HACD1: variants seen among roughly 807,000 people sequenced by gnomAD.
HACD1 encodes 3-hydroxyacyl-CoA dehydratase 1, also known as very-long-chain (3R)-3-hydroxyacyl-CoA dehydratase 1.
A neutral mutation model predicts 32.0 loss-of-function variants in HACD1; 41 were observed. The observed-to-expected ratio is 1.28, with a 90% CI of 1.00 to 1.66. The LOEUF (loss-of-function observed/expected upper bound fraction) is 1.66, where lower values mean the gene tolerates loss of function less well. HACD1 is among the 40% of genes most tolerant of loss of function. The pLI is 0.00. For synonymous variants in HACD1, 142 were observed against 139.0 expected (o/e 1.02, Z -0.15); for missense variants, 396 against 380.1 (o/e 1.04, Z -0.35).
In HACD1 at chr10:17,603,544, T is replaced by A; in HGVS notation, c.483+16A>T. On this transcript the variant is annotated intron_variant, in intron 4 of 6. Transcript: ENST00000361271. The stretch of plus-strand genomic sequence containing the variant: ...TTCCTGCAGGCTCAAGTAGACAACA[T>A]GTTTGTGTCACTTACTGGTTTTATA... 6.3e-7 allele frequency: 1 copy of A among 1,579,770 alleles called. No individual in the cohort carries two copies. The highest frequency in any genetic ancestry group is 8.7e-7 in the Non-Finnish European group (1 of 1,150,350).
Position 17,590,163 on chromosome 10 carries a change from C to T in HACD1, c.*201G>A. The T allele has an allele frequency of 2.9e-6, 1 of 345,952 alleles. No homozygotes were observed. Among genetic ancestry groups the T allele is most frequent in the Non-Finnish European group, 5.2e-6 (1 of 191,566 alleles). The allele number at this position is 345,952 out of a possible 1,614,324, so 21.4% of individuals were successfully genotyped here. ...ATAATCAATACCTACCCAAAAGTTA[C>T]TGATATTTGCACAGTTCTTGTAAAA... On this transcript the variant is annotated 3_prime_UTR_variant, in exon 7 of 7. Transcript: ENST00000361271.
intron 5 of HACD1, among the ~76,000 whole-genome samples, chr10:17,596,943 A>G (rs1000737602): frequency 2.0e-5 from 3 of 152,220 alleles, no homozygotes; most frequent in Non-Finnish European, 4.4e-5. Context: ...TTCGAGAATG[A>G]CAGCTTCAAC....
intron 1 of HACD1, among the ~76,000 whole-genome samples, chr10:17,607,766 G>C (rs782732917): frequency 6.6e-6 from 1 of 152,138 alleles, no homozygotes; most frequent in Non-Finnish European, 1.5e-5. Flanking sequence ...AAATTGACAG[G>C]CTCAGGGATT....
Position 17,617,272 on chromosome 10 carries a change from G to C in HACD1, c.68C>G (p.Pro23Arg), listed in dbSNP as rs781890481. 1 of 1,471,686 alleles carries C rather than the reference G, an allele frequency of 6.8e-7. No homozygotes were observed. 91.2% of individuals were successfully genotyped at this position (1,471,686 alleles called of 1,614,324 possible). ...GGGAGACAGCGGCAGGAGCGTGGGA[G>C]GGGACCCTGCCCAGCCTGCAGCCCG... is the stretch of plus-strand genomic sequence containing the variant. Reference protein sequence around the residue: ...GSRAAGWAGSPPTLLPLSPTS... With the variant: ...GSRAAGWAGSRPTLLPLSPTS... The change falls in exon 1 of 7, where the codon CCT becomes CGT. Residue 23 changes from proline to arginine, a missense_variant. Physicochemically the swap from Pro to Arg is moderately radical, Grantham distance 103. Coordinates refer to ENST00000361271, the MANE Select transcript of HACD1 (RefSeq NM_014241.4).
intron 4 of HACD1, among the ~76,000 whole-genome samples, chr10:17,600,165 T>G (rs1335195117): frequency 2.6e-5 from 4 of 152,170 alleles, no homozygotes; most frequent in Non-Finnish European, 5.9e-5. Context: ...CTTGTGCAAT[T>G]TAACACATGC....
chr10:17,601,036 C>CTT (rs1167513592), intron 4 of HACD1, among the ~76,000 whole-genome samples: 4 of 141,154 alleles, frequency 2.8e-5, no homozygotes, highest in African/African-American at 5.2e-5. Flanking sequence ...TTGCCTTGTT[C>CTT]TTTTTTTTTT....
At chr10:17,612,105 CAAAAAAAAAAAAAA>C (rs34058469) in intron 1 of HACD1, among the ~76,000 whole-genome samples, 1 of 105,112 alleles carries the variant, frequency 9.5e-6, no homozygotes, top group African/African-American at 3.5e-5. Flanking sequence ...AACTCCATCT[CAAAAAAAAAAAAAA>C]AAAAAAAAAA....
At chr10:17,614,206 G>T (rs1234345550) in intron 1 of HACD1, among the ~76,000 whole-genome samples, 1 of 152,202 alleles carries the variant, frequency 6.6e-6, no homozygotes, top group Non-Finnish European at 1.5e-5. Flanking sequence ...ACTTTGGGAA[G>T]CCATTGTGGG....
chr10:17,602,563 A>G (rs1252740765), intron 4 of HACD1, among the ~76,000 whole-genome samples: 1 of 152,186 alleles, frequency 6.6e-6, no homozygotes, highest in Non-Finnish European at 1.5e-5. Context: ...TTTAAATTGC[A>G]TATATTTATG....
intron 1 of HACD1, among the ~76,000 whole-genome samples, chr10:17,614,542 C>G (rs1327698847): frequency 6.6e-6 from 1 of 150,886 alleles, no homozygotes; most frequent in Non-Finnish European, 1.5e-5. Flanking sequence ...CGTGCTCGGC[C>G]TACTCTACAA....
chr10:17,613,144 G>GTGTGTGTGTGTGTTT (rs368670331), intron 1 of HACD1, among the ~76,000 whole-genome samples: 1 of 128,752 alleles, frequency 7.8e-6, no homozygotes, highest in African/African-American at 3.1e-5. Flanking sequence ...GTGTGTGTGT[G>GTGTGTGTGTGTGTTT]TGTTTTGTTT....
Position 17,594,364 on chromosome 10 carries a change from A to G in HACD1, c.625T>C (p.Leu209=). The G allele has an allele frequency of 2.0e-6, 3 of 1,477,662 alleles. No homozygotes were observed. Among genetic ancestry groups the G allele is most frequent in the Non-Finnish European group, 2.7e-6 (3 of 1,110,028 alleles). The allele number at this position is 1,477,662 out of a possible 1,614,324, so 91.5% of individuals were successfully genotyped here. A position where few individuals can be genotyped will look rare whatever the true frequency, so the allele number is the denominator to read the frequency against. Residue 209 remains leucine (L), a synonymous_variant, in exon 6 of 7, where the codon TTA becomes CTA. Transcript: ENST00000361271. ...TCACCAGCAACTCCAACAGGATATA[A>G]GATGATAAAAAAATTATATCTGGAG... is the stretch of plus-strand genomic sequence containing the variant. ...KWARYNFFII[L]YPVGVAGELL...
In HACD1 at chr10:17,594,074, T is replaced by C. The variant is rs181795949; in HGVS notation, c.784+131A>G. ...ACTTTTCCCAAATTATCAGTAAATATGGAGTTAAACCGAAGTTTTAATGTA... is the reference window on the plus strand; with the variant it reads ...ACTTTTCCCAAATTATCAGTAAATACGGAGTTAAACCGAAGTTTTAATGTA... On this transcript the variant is annotated intron_variant, in intron 6 of 6. Coordinates refer to ENST00000361271, the MANE Select transcript of HACD1 (RefSeq NM_014241.4). 14 of 815,038 alleles carry C rather than the reference T, an allele frequency of 1.7e-5. No homozygotes were observed. The East Asian group carries it at 4.3e-4, about 25-fold the overall frequency. 50.5% of individuals were successfully genotyped at this position (815,038 alleles called of 1,614,324 possible). A position where few individuals can be genotyped will look rare whatever the true frequency, so the allele number is the denominator to read the frequency against.
intron 1 of HACD1, among the ~76,000 whole-genome samples, chr10:17,606,219 T>A (rs573591221): frequency 1.8e-4 from 28 of 152,262 alleles, no homozygotes; most frequent in African/African-American, 6.7e-4. Context: ...AAATACTATA[T>A]GCCCTCGCTT....
At chr10:17,600,972 T>C (rs1204956881) in intron 4 of HACD1, among the ~76,000 whole-genome samples, 2 of 152,026 alleles carry the variant, frequency 1.3e-5, no homozygotes, top group Non-Finnish European at 2.9e-5. Context: ...TTGTGCGTGA[T>C]TTAACGTTAA....
chr10:17,603,790 TTAAA>T (rs782212544), intron 2 of HACD1, 46 bp from the exon 3 acceptor site: 11 of 1,558,710 alleles, frequency 7.1e-6, no homozygotes, highest in Non-Finnish European at 8.8e-6. Flanking sequence ...ATAGAAAACA[TTAAA>T]TAAACCACTG....
intron 1 of HACD1, among the ~76,000 whole-genome samples, chr10:17,610,418 G>A (rs1441819199): frequency 6.6e-6 from 1 of 152,174 alleles, no homozygotes; most frequent in Non-Finnish European, 1.5e-5. Flanking sequence ...GGAGGCCAAG[G>A]TGGGTGGATT....
intron 6 of HACD1, among the ~76,000 whole-genome samples, chr10:17,592,702 C>T (rs1054489225): frequency 6.6e-6 from 1 of 152,174 alleles, no homozygotes; most frequent in African/African-American, 2.4e-5. Flanking sequence ...CCGAAGCAAG[C>T]TCTGGTTCTG....
chr10:17,607,744 G>A (rs1048899114), intron 1 of HACD1, among the ~76,000 whole-genome samples: 1 of 152,062 alleles, frequency 6.6e-6, no homozygotes, highest in Admixed American at 6.6e-5. Flanking sequence ...ACTAAACTGT[G>A]GGAAATAAAA....
Sources: gnomAD v4.1 joint callset for allele counts (sites outside exome capture counted in the v4.1 genomes callset) on GRCh38, gnomAD v4.1.1 for gene constraint, MANE v1.5 for transcripts, NCBI Gene and HGNC (gene_info 2026-07-23, HGNC 2026-07-21) for gene names.